PCSK5: variants seen among roughly 807,000 people sequenced by gnomAD.
PCSK5 encodes proprotein convertase subtilisin/kexin type 5, also known as prohormone convertase 5.
In PCSK5, 129 loss-of-function variants were observed where a neutral mutation model predicts 233.2. The observed-to-expected ratio is 0.55, with a 90% CI of 0.48 to 0.64. PCSK5 has a LOEUF of 0.64. Ranked by LOEUF, PCSK5 falls within the 30% of genes least tolerant of loss-of-function variation. The probability of loss-of-function intolerance (pLI) is 0.00; values close to 1 mark genes in which losing one functional copy is unlikely to be tolerated. For synonymous variants in PCSK5, 825 were observed against 879.2 expected (o/e 0.94, Z 1.09); for missense variants, 2,076 against 2,430.1 (o/e 0.85, Z 3.06).
At chr9:76,037,115 T>A (rs1220159941) in intron 5 of PCSK5, among the ~76,000 whole-genome samples, 2 of 152,154 alleles carry the variant, frequency 1.3e-5, no homozygotes, top group African/African-American at 4.8e-5. Flanking sequence ...TGGAAGTAAA[T>A]GAAGGCCACC....
chr9:76,202,943 T>TA, intron 20 of PCSK5, among the ~76,000 whole-genome samples: 1 of 152,258 alleles, frequency 6.6e-6, no homozygotes, highest in Non-Finnish European at 1.5e-5. Context: ...TGATAACTGT[T>TA]ATGGATAGTT....
intron 2 of PCSK5, among the ~76,000 whole-genome samples, chr9:75,983,901 A>G (rs4745480): frequency 0.73 from 110,724 of 151,994 alleles, 40,690 homozygotes; most frequent in East Asian, 0.83. Flanking sequence ...TCCAAGAGGT[A>G]CTTTTCCCAC....
At chr9:76,214,195 T>C (rs924012) in intron 20 of PCSK5, among the ~76,000 whole-genome samples, 143,006 of 152,160 alleles carry the variant, frequency 0.94, 67,364 homozygotes, top group East Asian at 1. Flanking sequence ...CTTCCAACAC[T>C]CCACGCCCCA....
At chr9:76,097,831 A>C (rs1364049687) in intron 8 of PCSK5, among the ~76,000 whole-genome samples, 1 of 152,202 alleles carries the variant, frequency 6.6e-6, no homozygotes, top group Non-Finnish European at 1.5e-5. Flanking sequence ...TGCTGATTAT[A>C]AATTTCAGAC....
At chr9:75,923,793 G>A (rs1421738649) in intron 1 of PCSK5, among the ~76,000 whole-genome samples, 2 of 152,152 alleles carry the variant, frequency 1.3e-5, no homozygotes, top group Non-Finnish European at 2.9e-5. Context: ...AGATTCTGGA[G>A]GAGACTTTGT....
At chr9:75,932,517 C>A in intron 2 of PCSK5, 34 bp downstream of exon 2, 2 of 1,263,306 alleles carry the variant, frequency 1.6e-6, no homozygotes, top group African/African-American at 1.5e-5. Context: ...GACCAAGAGG[C>A]AAAGCTTCTG....
At chr9:76,289,517 T>TACACACACACACACACACACAC (rs138282168) in intron 24 of PCSK5, among the ~76,000 whole-genome samples, 26 of 119,340 alleles carry the variant, frequency 2.2e-4, no homozygotes, top group Admixed American at 5.9e-4. Context: ...ACACGCAACA[T>TACACACACACACACACACACAC]ACACACACAC....
chr9:76,142,688 T>C (rs1340282954), intron 10 of PCSK5, among the ~76,000 whole-genome samples: 1 of 152,210 alleles, frequency 6.6e-6, no homozygotes, highest in East Asian at 1.9e-4. Flanking sequence ...GTATATTTTA[T>C]ATAGAGATAC....
At chr9:76,345,245 C>CTCTGTCGCCCAGGCTAAAGT (rs1219017942) in intron 35 of PCSK5, among the ~76,000 whole-genome samples, 8 of 151,196 alleles carry the variant, frequency 5.3e-5, no homozygotes, top group East Asian at 1.9e-4. Flanking sequence ...CAGAGTCTTA[C>CTCTGTCGCCCAGGCTAAAGT]TCTGTCGCCC....
chr9:76,246,016 T>C (rs1272559935), intron 24 of PCSK5, among the ~76,000 whole-genome samples: 1 of 127,288 alleles, frequency 7.9e-6, no homozygotes, highest in Non-Finnish European at 1.8e-5. Flanking sequence ...AAGATGCTTG[T>C]TCACTGTATG....
At chr9:76,061,866 T>C (rs1228651242) in intron 5 of PCSK5, among the ~76,000 whole-genome samples, 2 of 152,244 alleles carry the variant, frequency 1.3e-5, no homozygotes, top group East Asian at 1.9e-4. Flanking sequence ...ACATCTCTTA[T>C]GTATCAATCT....
At chr9:75,972,864 C>T (rs1825864639) in intron 2 of PCSK5, among the ~76,000 whole-genome samples, 1 of 152,156 alleles carries the variant, frequency 6.6e-6, no homozygotes, top group African/African-American at 2.4e-5. Context: ...TGATTAATCT[C>T]CAGGCTTTGA....
chr9:76,035,786 A>T (rs1189811308), intron 5 of PCSK5, among the ~76,000 whole-genome samples: 1 of 152,146 alleles, frequency 6.6e-6, no homozygotes, highest in African/African-American at 2.4e-5. Context: ...TTGCATCCTT[A>T]TATTTTCTTG....
intron 5 of PCSK5, among the ~76,000 whole-genome samples, chr9:76,031,798 G>A (rs891639095): frequency 1.3e-5 from 2 of 152,116 alleles, no homozygotes; most frequent in Non-Finnish European, 2.9e-5. Flanking sequence ...TATTATAATT[G>A]TGTGTTCTAT....
intron 2 of PCSK5, among the ~76,000 whole-genome samples, chr9:75,967,806 G>C (rs1260347197): frequency 6.6e-6 from 1 of 151,830 alleles, no homozygotes; most frequent in African/African-American, 2.4e-5. Context: ...TTGTTGCCGA[G>C]GCTGGAGTGC....
intron 20 of PCSK5, chr9:76,193,409 A>AAATG: frequency 2.2e-6 from 2 of 894,522 alleles, no homozygotes; most frequent in Non-Finnish European, 2.9e-6. Flanking sequence ...CATATTATTA[A>AAATG]AAAGAAAAAA....
intron 20 of PCSK5, among the ~76,000 whole-genome samples, chr9:76,224,475 T>G (rs1166170084): frequency 6.6e-6 from 1 of 151,776 alleles, no homozygotes; most frequent in East Asian, 1.9e-4. Context: ...AGGTGATGTC[T>G]CCTTTTGCAG....
At chr9:76,318,524 A>C (rs1425007063) in intron 30 of PCSK5, among the ~76,000 whole-genome samples, 1 of 152,310 alleles carries the variant, frequency 6.6e-6, no homozygotes, top group African/African-American at 2.4e-5. Context: ...TCATCTCCCA[A>C]ATATATTTGA....
At chr9:76,337,513 G>A (rs11144836) in intron 34 of PCSK5, among the ~76,000 whole-genome samples, 37,182 of 151,502 alleles carry the variant, frequency 0.25, 5,160 homozygotes, top group East Asian at 0.54. Context: ...TCACATTATC[G>A]CCTAGGATGG....
Sources: gnomAD v4.1 joint callset for allele counts (sites outside exome capture counted in the v4.1 genomes callset) on GRCh38, gnomAD v4.1.1 for gene constraint, MANE v1.5 for transcripts, NCBI Gene and HGNC (gene_info 2026-07-23, HGNC 2026-07-21) for gene names.